Variants in CYBRD1 observed in about 807,000 individuals in gnomAD.
CYBRD1 encodes cytochrome b reductase 1.
In CYBRD1, 14 loss-of-function variants were observed where a neutral mutation model predicts 21.9. The observed-to-expected ratio is 0.64, with a 90% CI of 0.42 to 1.00. The LOEUF (loss-of-function observed/expected upper bound fraction) is 1.00, where lower values mean the gene tolerates loss of function less well. Ranked by LOEUF, CYBRD1 falls within the 50% of genes least tolerant of loss-of-function variation. CYBRD1 has a pLI of 0.00. For synonymous variants in CYBRD1, 146 were observed against 136.5 expected (o/e 1.07, Z -0.48); for missense variants, 328 against 352.5 (o/e 0.93, Z 0.56).
intron 3 of CYBRD1, among the ~76,000 whole-genome samples, chr2:171,553,744 C>G (rs1022064963): frequency 1.3e-5 from 2 of 152,112 alleles, no homozygotes; most frequent in African/African-American, 4.8e-5. Context: ...CCCTTTCAAT[C>G]TTGTTGATAT....
chr2:171,545,939 A>G (rs1394822019), intron 2 of CYBRD1, among the ~76,000 whole-genome samples: 1 of 152,198 alleles, frequency 6.6e-6, no homozygotes, highest in Non-Finnish European at 1.5e-5. Context: ...ATCTTAATGT[A>G]GTCAATTATA....
At chr2:171,549,336 G>A (rs1001002707) in intron 2 of CYBRD1, among the ~76,000 whole-genome samples, 2 of 152,046 alleles carry the variant, frequency 1.3e-5, no homozygotes, top group South Asian at 2.1e-4. Flanking sequence ...CACCCACCTC[G>A]GCCTCCCAAA....
chr2:171,542,726 C>T (rs1246149357), intron 2 of CYBRD1, among the ~76,000 whole-genome samples: 1 of 152,038 alleles, frequency 6.6e-6, no homozygotes, highest in Non-Finnish European at 1.5e-5. Context: ...AACAAAAACA[C>T]AAAAATTAGC....
At chr2:171,545,246 AC>A (rs1302337141) in intron 2 of CYBRD1, among the ~76,000 whole-genome samples, 4 of 152,034 alleles carry the variant, frequency 2.6e-5, no homozygotes, top group Non-Finnish European at 5.9e-5. Flanking sequence ...CTAATATTTT[AC>A]CATTGAGTAC....
intron 1 of CYBRD1, among the ~76,000 whole-genome samples, chr2:171,539,522 C>T (rs1266135400): frequency 3.3e-5 from 5 of 152,100 alleles, no homozygotes; most frequent in African/African-American, 7.2e-5. Context: ...TGGAATCCAT[C>T]GTCTGAGGAA....
chr2:171,527,250 A>G (rs1697398459), intron 1 of CYBRD1, among the ~76,000 whole-genome samples: 1 of 152,254 alleles, frequency 6.6e-6, no homozygotes, highest in South Asian at 2.1e-4. Flanking sequence ...TATCCCCAAC[A>G]TATTTTTTGT....
At chr2:171,526,652 T>C (rs1697390699) in intron 1 of CYBRD1, among the ~76,000 whole-genome samples, 5 of 152,120 alleles carry the variant, frequency 3.3e-5, no homozygotes, top group Non-Finnish European at 1.5e-5. Context: ...GAAATAAGTA[T>C]ACTACTAGGA....
intron 2 of CYBRD1, among the ~76,000 whole-genome samples, chr2:171,552,468 A>G (rs1683395581): frequency 6.6e-6 from 1 of 152,180 alleles, no homozygotes; most frequent in African/African-American, 2.4e-5. Context: ...CAATCAAGAA[A>G]GCTGAACAGT....
At position 171,557,976 on chromosome 2, in the gene CYBRD1, C is replaced by G. The variant is rs1047023; in HGVS notation, c.*3149C>G. 1 of 151,838 alleles carries G rather than the reference C, an allele frequency of 6.6e-6. No individual in the cohort carries two copies. The highest frequency in any genetic ancestry group is 1.5e-5 in the Non-Finnish European group (1 of 67,972). 9.4% of individuals were successfully genotyped at this position (151,838 alleles called of 1,614,324 possible). A position where few individuals can be genotyped will look rare whatever the true frequency, so the allele number is the denominator to read the frequency against. ...TGTTCTTTAATTCCTACAAGGTACT[C>G]GAAAACCTTAAGTGAAAAAGATTTC... is the stretch of plus-strand genomic sequence containing the variant. On this transcript the variant is annotated 3_prime_UTR_variant, in exon 4 of 4. Transcript: ENST00000321348.
chr2:171,554,656 A>G lies in CYBRD1; in HGVS notation c.690A>G (p.Pro230=). 1 of 1,614,106 alleles carries G rather than the reference A, an allele frequency of 6.2e-7. No individual in the cohort carries two copies. The highest frequency in any genetic ancestry group is 8.5e-7 in the Non-Finnish European group (1 of 1,179,996). Residue 230 remains proline, a synonymous_variant, in exon 4 of 4, where the codon CCA becomes CCG. Transcript: ENST00000321348. ...TRPQWKRPKE[P]NSTILHPNGG... is the part of the protein sequence containing the mutation. ...CGCAATGGAAACGTCCTAAGGAGCC[A>G]AATTCTACCATTCTTCATCCAAATG...
At chr2:171,542,349 G>A (rs1382884062) in intron 2 of CYBRD1, among the ~76,000 whole-genome samples, 1 of 152,078 alleles carries the variant, frequency 6.6e-6, no homozygotes, top group Non-Finnish European at 1.5e-5. Context: ...ATCTTAATAT[G>A]TAAAATTAAG....
In CYBRD1 at chr2:171,553,445, G is replaced by C; in HGVS notation, c.502G>C (p.Gly168Arg). Residue 168 changes from glycine (G) to arginine (R), a missense_variant, in exon 3 of 4, where the codon GGA becomes CGA. By Grantham distance (125) the Gly-to-Arg change is moderately radical. Coordinates refer to ENST00000321348, the MANE Select transcript of CYBRD1 (RefSeq NM_024843.4). ...IHVYSGIVIF[G>R]TVIATALMGL... ...TGTTTATTCTGGAATTGTCATCTTT[G>C]GAACAGTGATTGCAACAGCACTTAT... The C allele has an allele frequency of 6.2e-7, 1 of 1,613,544 alleles. No individual in the cohort carries two copies. Among genetic ancestry groups the C allele is most frequent in the Non-Finnish European group, 8.5e-7 (1 of 1,179,720 alleles).
chr2:171,554,426 A>C (rs1026986073), intron 3 of CYBRD1, 98 bp from the exon 4 acceptor site: 27 of 1,206,488 alleles, frequency 2.2e-5, no homozygotes, highest in Non-Finnish European at 3.2e-5. Context: ...TTTACATTGA[A>C]ACTGTACTAG....
chr2:171,533,347 C>G (rs532048445), intron 1 of CYBRD1, among the ~76,000 whole-genome samples: 11 of 152,098 alleles, frequency 7.2e-5, no homozygotes, highest in Non-Finnish European at 1.5e-4. Context: ...AGCCTGGGTG[C>G]AAAGAGAGAG....
intron 2 of CYBRD1, among the ~76,000 whole-genome samples, chr2:171,542,725 A>G (rs566239709): frequency 1.8e-3 from 275 of 152,230 alleles, no homozygotes; most frequent in Non-Finnish European, 2.8e-3. Flanking sequence ...AAACAAAAAC[A>G]CAAAAATTAG....
intron 1 of CYBRD1, among the ~76,000 whole-genome samples, chr2:171,537,710 G>T (rs1016673756): frequency 6.6e-6 from 1 of 152,178 alleles, no homozygotes; most frequent in Non-Finnish European, 1.5e-5. Context: ...TCTCTGTACT[G>T]TTTCTTACAA....
At chr2:171,542,799 T>G (rs1697654698) in intron 2 of CYBRD1, among the ~76,000 whole-genome samples, 3 of 152,082 alleles carry the variant, frequency 2.0e-5, no homozygotes, top group Non-Finnish European at 4.4e-5. Flanking sequence ...ACAGCTCCCT[T>G]GAGACCAGGA....
At position 171,554,777 on chromosome 2, in the gene CYBRD1, AG is replaced by A; in HGVS notation, c.813del (p.Arg273GlufsTer3). On this transcript the variant is annotated frameshift_variant, in exon 4 of 4. Coordinates refer to ENST00000321348, the MANE Select transcript of CYBRD1 (RefSeq NM_024843.4). LOFTEE classifies it high-confidence loss of function. ...AGAGTTAAACAGTGAAGTAGCAGCAAGGAAAAGAAACTTAGCTCTGGATGAG... is the reference window on the plus strand; with the variant it reads ...AGAGTTAAACAGTGAAGTAGCAGCAAGAAAAGAAACTTAGCTCTGGATGAG... The part of the protein sequence containing the change: ...DSELNSEVAA[R>X]KRNLALDEAG... The A allele has an allele frequency of 6.2e-7, 1 of 1,613,990 alleles. No individual in the cohort carries two copies. The highest frequency in any genetic ancestry group is 8.5e-7 in the Non-Finnish European group (1 of 1,179,944).
chr2:171,546,692 G>A (rs776721732), intron 2 of CYBRD1, among the ~76,000 whole-genome samples: 1 of 152,154 alleles, frequency 6.6e-6, no homozygotes, highest in Non-Finnish European at 1.5e-5. Flanking sequence ...TTGGTAGATA[G>A]GAAGTGTTCT....
Sources: gnomAD v4.1 joint callset for allele counts (sites outside exome capture counted in the v4.1 genomes callset) on GRCh38, gnomAD v4.1.1 for gene constraint, MANE v1.5 for transcripts, NCBI Gene and HGNC (gene_info 2026-07-23, HGNC 2026-07-21) for gene names.